The following KCNK12 variants were observed in gnomAD, a reference collection of about 807,000 sequenced individuals.
The protein encoded by KCNK12 is potassium channel subfamily K member 12.
A neutral mutation model predicts 25.3 loss-of-function variants in KCNK12; 6 were observed. The observed-to-expected ratio is 0.24, with a 90% CI of 0.13 to 0.47. The LOEUF is 0.47. Ranked by LOEUF, KCNK12 falls within the 20% of genes least tolerant of loss-of-function variation. The pLI is 0.99. For missense variants in KCNK12, 444 were observed against 661.7 expected (o/e 0.67, Z 3.61); for synonymous variants, 331 against 311.1 (o/e 1.06, Z -0.67).
chr2:47,521,873 GGGGGGTGTGGGGGC>G, intron 1 of KCNK12, 65 bp from the exon 2 acceptor site: 3 of 1,275,340 alleles, frequency 2.4e-6, no homozygotes, highest in Non-Finnish European at 3.1e-6. Flanking sequence ...GGGCGAGGGT[GGGGGGTGTGGGGGC>G]GGGGGCATGC....
intron 1 of KCNK12, among the ~76,000 whole-genome samples, chr2:47,542,955 T>C (rs1340626490): frequency 6.6e-6 from 1 of 152,238 alleles, no homozygotes; most frequent in African/African-American, 2.4e-5. Flanking sequence ...GGTCTCACTG[T>C]GTTGCCAAGC....
intron 1 of KCNK12, among the ~76,000 whole-genome samples, chr2:47,552,307 C>T (rs1352046476): frequency 3.3e-5 from 5 of 152,140 alleles, no homozygotes; most frequent in East Asian, 3.9e-4. Context: ...CAGCAATCTC[C>T]GAGCAGTGAG....
chr2:47,521,141 C>A lies in KCNK12; in HGVS notation c.1059G>T (p.Ala353=). 1 of 1,270,336 alleles carries A rather than the reference C, an allele frequency of 7.9e-7. No homozygotes were observed. The highest frequency in any genetic ancestry group is 9.9e-7 in the Non-Finnish European group (1 of 1,008,968). 78.7% of individuals were successfully genotyped at this position (1,270,336 alleles called of 1,614,324 possible). A position where few individuals can be genotyped will look rare whatever the true frequency, so the allele number is the denominator to read the frequency against. ...RRLAALGADP[A]ARDSDAEGRR... Reference sequence around the variant, plus strand: ...GGCCCTCGGCGTCGCTGTCGCGGGCCGCGGGGTCGGCACCGAGCGCGGCCA... The same window carrying A: ...GGCCCTCGGCGTCGCTGTCGCGGGCAGCGGGGTCGGCACCGAGCGCGGCCA... Residue 353 remains alanine (A), a synonymous_variant, in exon 2 of 2, where the codon GCG becomes GCT. Coordinates refer to ENST00000327876, the MANE Select transcript of KCNK12 (RefSeq NM_022055.2).
In KCNK12 at chr2:47,570,069, G is replaced by A; in HGVS notation, c.263C>T (p.Pro88Leu). 7.2e-7 allele frequency: 1 copy of A among 1,398,094 alleles called. No homozygotes were observed. The highest frequency in any genetic ancestry group is 9.3e-7 in the Non-Finnish European group (1 of 1,077,340). 86.6% of individuals were successfully genotyped at this position (1,398,094 alleles called of 1,614,324 possible). Residue 88 changes from proline to leucine, a missense_variant, in exon 1 of 2, where the codon CCA becomes CTA. Physicochemically the swap from Pro to Leu is moderately conservative, Grantham distance 98. Coordinates refer to ENST00000327876, the MANE Select transcript of KCNK12 (RefSeq NM_022055.2). ...NFSAAHGVAE[P>L]ELRAFLRHYE... is the part of the protein sequence containing the mutation. Reference sequence around the variant, plus strand: ...GTGCCGGAGGAAGGCGCGCAGCTCTGGCTCGGCCACGCCGTGCGCAGCGCT... The same window carrying A: ...GTGCCGGAGGAAGGCGCGCAGCTCTAGCTCGGCCACGCCGTGCGCAGCGCT...
At chr2:47,564,999 C>A (rs1669762204) in intron 1 of KCNK12, 2 of 150,494 alleles carry the variant, frequency 1.3e-5, no homozygotes, top group Admixed American at 6.6e-5. Flanking sequence ...GAGGCCCTGT[C>A]TCTTAAAAAA....
At position 47,517,724 on chromosome 2, in the gene KCNK12, G is replaced by A. The variant is rs2104700052; in HGVS notation, c.*3183C>T. Reference sequence around the variant, plus strand: ...CCTGGAGGCACTGCTTCATTCAGAGGACACAAAGGCCTGACCACCTGGCTT... The same window carrying A: ...CCTGGAGGCACTGCTTCATTCAGAGAACACAAAGGCCTGACCACCTGGCTT... On this transcript the variant is annotated 3_prime_UTR_variant, in exon 2 of 2. Coordinates refer to ENST00000327876, the MANE Select transcript of KCNK12 (RefSeq NM_022055.2). This position sits in a 1 kb window ranked among gnomAD's most constrained non-coding sequence, Gnocchi z 4.1. 2 of 152,228 alleles carry A rather than the reference G, an allele frequency of 1.3e-5. No homozygotes were observed. Among genetic ancestry groups the A allele is most frequent in the Middle Eastern group, 3.4e-3 (1 of 294 alleles). 9.4% of individuals were successfully genotyped at this position (152,228 alleles called of 1,614,324 possible). A position where few individuals can be genotyped will look rare whatever the true frequency, so the allele number is the denominator to read the frequency against.
intron 1 of KCNK12, among the ~76,000 whole-genome samples, chr2:47,522,951 A>T (rs1334464005): frequency 1.3e-5 from 2 of 152,126 alleles, no homozygotes; most frequent in African/African-American, 4.8e-5. Flanking sequence ...TAAAAAAAAA[A>T]TCAGTTTACC....
chr2:47,552,441 C>T (rs185075108), intron 1 of KCNK12, among the ~76,000 whole-genome samples: 6 of 152,290 alleles, frequency 3.9e-5, no homozygotes, highest in African/African-American at 1.2e-4. Context: ...CATTATGAGA[C>T]ATGCCCACAA....
rs553154866 is a variant in KCNK12, at chr2:47,546,488, C to T, written c.391+23453G>A. On this transcript the variant is annotated intron_variant, in intron 1 of 1. Transcript: ENST00000327876. ...CCTAAGCAAAATGGCAAAGCCCCAT[C>T]TCTACAAAAACTACAAAAATTAGAC... 8.5e-5 allele frequency among the ~76,000 whole-genome samples: 13 copies of T among 152,302 alleles called. No homozygotes were observed. In the East Asian group the frequency reaches 2.3e-3, roughly 27 times the overall value.
intron 1 of KCNK12, among the ~76,000 whole-genome samples, chr2:47,532,527 A>G (rs1260074490): frequency 6.6e-5 from 10 of 151,978 alleles, no homozygotes; most frequent in South Asian, 2.1e-4. Context: ...ACACCTGGCA[A>G]CCGTTCTTTT....
chr2:47,543,967 C>T (rs775591882), intron 1 of KCNK12, among the ~76,000 whole-genome samples: 1 of 152,154 alleles, frequency 6.6e-6, no homozygotes, highest in Non-Finnish European at 1.5e-5. Context: ...TGTCACTGCT[C>T]CTGGAAGCAG....
chr2:47,554,678 GAT>G (rs1334415590), intron 1 of KCNK12, among the ~76,000 whole-genome samples: 3 of 152,168 alleles, frequency 2.0e-5, no homozygotes, highest in Non-Finnish European at 4.4e-5. Flanking sequence ...GTCACTGAAG[GAT>G]TTCAAACAAG....
In KCNK12 at chr2:47,536,237, G is replaced by C. The variant is rs779938564; in HGVS notation, c.392-14429C>G. 1.1e-4 allele frequency among the ~76,000 whole-genome samples: 16 copies of C among 152,272 alleles called. No individual in the cohort carries two copies. In the South Asian group the frequency reaches 1.2e-3, roughly 12 times the overall value. The stretch of plus-strand genomic sequence containing the variant: ...TTTCTCTTCGCCTGTCTGAATCCTC[G>C]CCATCATCTGACAGCACTTTCAGCT... On this transcript the variant is annotated intron_variant, in intron 1 of 1. Coordinates refer to ENST00000327876, the MANE Select transcript of KCNK12 (RefSeq NM_022055.2).
At position 47,518,973 on chromosome 2, in the gene KCNK12, C is replaced by G. The variant is rs2104707026; in HGVS notation, c.*1934G>C. The G allele has an allele frequency of 6.6e-6, 1 of 152,398 alleles. No homozygotes were observed. The highest frequency in any genetic ancestry group is 1.9e-4 in the East Asian group (1 of 5,192). 9.4% of individuals were successfully genotyped at this position (152,398 alleles called of 1,614,324 possible). On this transcript the variant is annotated 3_prime_UTR_variant, in exon 2 of 2. Transcript: ENST00000327876. This position sits in a 1 kb window ranked among gnomAD's most constrained non-coding sequence, Gnocchi z 4.1. The stretch of plus-strand genomic sequence containing the variant: ...CGCCCCTGCGTGGGCAATCCCTTCA[C>G]TGTGACCGCAACCATGGGTTGGATG...
rs1669574872 is a variant in KCNK12, at chr2:47,557,551, C to T, written c.391+12390G>A. ...GGGCCCCCAGCATTCTCTCCCTAAC[C>T]ACTACATTGTACTGCAAATTGTCAC... is the stretch of plus-strand genomic sequence containing the variant. On this transcript the variant is annotated intron_variant, in intron 1 of 1. Transcript: ENST00000327876. This position sits in a 1 kb window ranked among gnomAD's most constrained non-coding sequence, Gnocchi z 4.9. Among the ~76,000 whole-genome samples the T allele has an allele frequency of 6.6e-6, 1 of 152,128 alleles. No individual in the cohort carries two copies. The highest frequency in any genetic ancestry group is 2.4e-5 in the African/African-American group (1 of 41,406).
At position 47,555,189 on chromosome 2, in the gene KCNK12, A is replaced by G. The variant is rs1467953325; in HGVS notation, c.391+14752T>C. ...AGTGTAGAAGATGGGTTATTCATCA[A>G]TAGATAAATGGGTTTAAAGCCAAAG... On this transcript the variant is annotated intron_variant, in intron 1 of 1. Coordinates refer to ENST00000327876, the MANE Select transcript of KCNK12 (RefSeq NM_022055.2). The surrounding 1 kb of genome is among the most constrained non-coding windows in gnomAD (Gnocchi z 4.5). Among the ~76,000 whole-genome samples, 6 of 152,238 alleles carry G rather than the reference A, an allele frequency of 3.9e-5. No homozygotes were observed. Among genetic ancestry groups the G allele is most frequent in the Admixed American group, 2.0e-4 (3 of 15,290 alleles).
rs972241888 is a variant in KCNK12, at chr2:47,518,652, A to T, written c.*2255T>A. On this transcript the variant is annotated 3_prime_UTR_variant, in exon 2 of 2. Coordinates refer to ENST00000327876, the MANE Select transcript of KCNK12 (RefSeq NM_022055.2). The surrounding 1 kb of genome is among the most constrained non-coding windows in gnomAD (Gnocchi z 4.1). ...GGGGATTGCCTGGAGGTTTCTTTAG[A>T]CCTGTCTAGCTCACACAGTCTTGAT... 1 of 152,364 alleles carries T rather than the reference A, an allele frequency of 6.6e-6. No homozygotes were observed. The highest frequency in any genetic ancestry group is 6.5e-5 in the Admixed American group (1 of 15,280). 9.4% of individuals were successfully genotyped at this position (152,364 alleles called of 1,614,324 possible). A position where few individuals can be genotyped will look rare whatever the true frequency, so the allele number is the denominator to read the frequency against.
Position 47,556,850 on chromosome 2 carries a change from A to C in KCNK12, c.391+13091T>G, listed in dbSNP as rs181059904. 2.0e-5 allele frequency among the ~76,000 whole-genome samples: 3 copies of C among 152,280 alleles called. No individual in the cohort carries two copies. Among genetic ancestry groups the C allele is most frequent in the Admixed American group, 6.5e-5 (1 of 15,290 alleles). The stretch of plus-strand genomic sequence containing the variant: ...AGAGGATGGGAGCTGGAAGCATGGG[A>C]GGTGGTGGTCAGAGGTGAGATGTTT... On this transcript the variant is annotated intron_variant, in intron 1 of 1. Coordinates refer to ENST00000327876, the MANE Select transcript of KCNK12 (RefSeq NM_022055.2). This position sits in a 1 kb window ranked among gnomAD's most constrained non-coding sequence, Gnocchi z 4.8.
chr2:47,531,628 A>G (rs1209331002), intron 1 of KCNK12, among the ~76,000 whole-genome samples: 1 of 152,134 alleles, frequency 6.6e-6, no homozygotes, highest in African/African-American at 2.4e-5. Flanking sequence ...CCCATAGGAA[A>G]CGTCCAGTGA....
Sources: gnomAD v4.1 joint callset for allele counts (sites outside exome capture counted in the v4.1 genomes callset) on GRCh38, gnomAD v4.1.1 for gene constraint, Gnocchi (gnomAD v3.1) non-coding constraint, MANE v1.5 for transcripts, NCBI Gene and HGNC (gene_info 2026-07-23, HGNC 2026-07-21) for gene names.